KLF8: variants seen among roughly 807,000 people sequenced by gnomAD.
The protein encoded by KLF8 is KLF transcription factor 8, also known as Krueppel-like factor 8.
KLF8 carries 10 observed loss-of-function variants against 18.2 expected under a neutral mutation model. The observed-to-expected ratio is 0.55, with a 90% CI of 0.34 to 0.93. KLF8 has a LOEUF of 0.93. KLF8 is among the 40% of genes least tolerant of loss of function. KLF8 has a pLI of 0.02. For missense variants in KLF8, 264 were observed against 277.9 expected (o/e 0.95, Z 0.36); for synonymous variants, 109 against 97.3 (o/e 1.12, Z -0.71).
chrX:56,030,524 A>C, the KLF8 span, among the ~76,000 whole-genome samples: 1 of 111,416 alleles, frequency 9.0e-6, no homozygotes, highest in Non-Finnish European at 1.9e-5. Context: ...GGAAGTCAGC[A>C]GAAGTGAAAG....
At chrX:56,052,562 G>C in the KLF8 span, among the ~76,000 whole-genome samples, 12,820 of 111,216 alleles carry the variant, frequency 0.12, 1,289 homozygotes, top group African/African-American at 0.33. Context: ...TGGGGGGTGC[G>C]TCCCAGTTAG....
the KLF8 span, among the ~76,000 whole-genome samples, chrX:56,149,890 T>A: frequency 1.8e-5 from 2 of 110,849 alleles, no homozygotes; most frequent in Admixed American, 1.9e-4. Context: ...AAGGCATAAA[T>A]ACCTTAGAGA....
chrX:56,250,035 G>A (rs1170146954), intron 1 of KLF8, among the ~76,000 whole-genome samples, 196 bp from the exon 2 acceptor site: 1 of 111,891 alleles, frequency 8.9e-6, no homozygotes, highest in African/African-American at 3.2e-5. Flanking sequence ...GTGGAGGGGA[G>A]CAGCTAATAT....
the KLF8 span, among the ~76,000 whole-genome samples, chrX:56,139,115 AC>A: frequency 8.9e-6 from 1 of 111,815 alleles, no homozygotes; most frequent in African/African-American, 3.2e-5. Flanking sequence ...GAAATTTTGT[AC>A]AAAGAAAATT....
At chrX:56,111,368 A>T in the KLF8 span, among the ~76,000 whole-genome samples, 2 of 111,770 alleles carry the variant, frequency 1.8e-5, no homozygotes, top group Middle Eastern at 9.3e-3. Flanking sequence ...GGATGTGTAG[A>T]TTCAACAGTC....
At chrX:56,127,553 C>T in the KLF8 span, among the ~76,000 whole-genome samples, 1 of 110,883 alleles carries the variant, frequency 9.0e-6, no homozygotes, top group Non-Finnish European at 1.9e-5. Flanking sequence ...GTAGTCCCAG[C>T]TACTTGGGAG....
intron 2 of KLF8, among the ~76,000 whole-genome samples, chrX:56,258,295 T>C (rs747329675): frequency 8.9e-5 from 10 of 112,313 alleles, no homozygotes; most frequent in Non-Finnish European, 1.7e-4. Context: ...TGTTTTGAGA[T>C]GGAGTCTTGC....
the KLF8 span, among the ~76,000 whole-genome samples, chrX:56,119,815 C>G: frequency 9.3e-6 from 1 of 107,792 alleles, no homozygotes; most frequent in African/African-American, 3.4e-5. Flanking sequence ...GCTGACTTCT[C>G]CAGTGTGCCT....
chrX:55,978,253 T>G, the KLF8 span, among the ~76,000 whole-genome samples: 4 of 111,324 alleles, frequency 3.6e-5, no homozygotes, highest in South Asian at 1.1e-3. Flanking sequence ...TAGGGAACAT[T>G]ATCCAATATT....
the KLF8 span, among the ~76,000 whole-genome samples, chrX:55,947,943 A>G: frequency 2.7e-5 from 3 of 112,123 alleles, no homozygotes; most frequent in African/African-American, 6.5e-5. Flanking sequence ...GTACAATTAG[A>G]TGCAGAGAAA....
chrX:56,110,793 T>C, the KLF8 span, among the ~76,000 whole-genome samples: 1 of 112,194 alleles, frequency 8.9e-6, no homozygotes. Context: ...TCTAATACAT[T>C]AACATGTATT....
chrX:56,075,027 T>G, the KLF8 span, among the ~76,000 whole-genome samples: 1 of 110,967 alleles, frequency 9.0e-6, no homozygotes, highest in Non-Finnish European at 1.9e-5. Context: ...GATAGAGGTA[T>G]GCAATGTATA....
the KLF8 span, among the ~76,000 whole-genome samples, chrX:56,192,895 A>G: frequency 8.9e-6 from 1 of 112,694 alleles, no homozygotes; most frequent in African/African-American, 3.2e-5. Context: ...CATTGGGGAA[A>G]ATCTCCAGGA....
chrX:56,044,799 G>A, the KLF8 span, among the ~76,000 whole-genome samples: 1 of 112,562 alleles, frequency 8.9e-6, no homozygotes, highest in African/African-American at 3.2e-5. Flanking sequence ...TAACTTGTGA[G>A]GTGCTGTGGA....
intron 1 of KLF8, among the ~76,000 whole-genome samples, chrX:56,235,416 A>ATTTT (rs58959695): frequency 6.8e-5 from 6 of 87,709 alleles, no homozygotes; most frequent in African/African-American, 2.6e-4. Flanking sequence ...ATTCTTCCTG[A>ATTTT]TTTTTTTTTT....
At chrX:56,200,640 G>A in the KLF8 span, among the ~76,000 whole-genome samples, 16 of 108,816 alleles carry the variant, frequency 1.5e-4, no homozygotes, top group African/African-American at 5.3e-4. Flanking sequence ...CCTCTGAGCA[G>A]CAAAGGAAAC....
chrX:56,066,598 T>C, the KLF8 span, among the ~76,000 whole-genome samples: 1 of 111,945 alleles, frequency 8.9e-6, no homozygotes, highest in Non-Finnish European at 1.9e-5. Context: ...TACATGTGTG[T>C]TGGTCCTGCT....
chrX:56,131,401 T>G, the KLF8 span, among the ~76,000 whole-genome samples: 20 of 111,322 alleles, frequency 1.8e-4, no homozygotes, highest in Non-Finnish European at 3.2e-4. Context: ...GCTTCATAAA[T>G]GAAGGAAAGA....
the KLF8 span, among the ~76,000 whole-genome samples, chrX:56,113,649 C>T: frequency 6.9e-5 from 7 of 100,970 alleles, no homozygotes; most frequent in African/African-American, 1.5e-4. Flanking sequence ...AACACAAACA[C>T]GCACACACAC....
Sources: allele counts gnomAD v4.1 joint callset (sites outside exome capture counted in the v4.1 genomes callset), GRCh38; gene constraint gnomAD v4.1.1; transcripts MANE v1.5; gene names NCBI Gene and HGNC (gene_info 2026-07-23, HGNC 2026-07-21).